POM121: variants seen among roughly 807,000 people sequenced by gnomAD.
POM121 encodes the protein nuclear envelope pore membrane protein POM 121.
A neutral mutation model predicts 81.3 loss-of-function variants in POM121; 32 were observed. The observed-to-expected ratio is 0.39, with a 90% CI of 0.30 to 0.53. POM121 has a LOEUF of 0.53. POM121 is among the 20% of genes least tolerant of loss of function. The probability of loss-of-function intolerance (pLI) is 0.66; values close to 1 mark genes in which losing one functional copy is unlikely to be tolerated. For missense variants in POM121, 1,138 were observed against 1,614.6 expected (o/e 0.70, Z 5.06); for synonymous variants, 514 against 694.2 (o/e 0.74, Z 4.08).
upstream of POM121, among the ~76,000 whole-genome samples, chr7:72,922,677 C>T (rs190605819): frequency 5.4e-3 from 823 of 152,164 alleles, 9 homozygotes; most frequent in African/African-American, 0.019. Context: ...GTGTAAGCCA[C>T]CATGCCCGGC....
chr7:72,892,512 G>A (rs1332968957), intron 3 of POM121, among the ~76,000 whole-genome samples: 1 of 152,188 alleles, frequency 6.6e-6, no homozygotes, highest in Non-Finnish European at 1.5e-5. Flanking sequence ...TTAGTGTTCA[G>A]TATTCTCCCA....
Position 72,941,231 on chromosome 7 carries a change from C to T in POM121, c.1843+238C>T, listed in dbSNP as rs527477990. 3.5e-4 allele frequency among the ~76,000 whole-genome samples: 53 copies of T among 152,062 alleles called. 1 individual carries two copies. The South Asian group carries it at 6.9e-3, about 20-fold the overall frequency. The stretch of plus-strand genomic sequence containing the variant: ...CCTGGCTCGTAGCTGCCCTGAGCCT[C>T]GCCTTCCTCATCTGTCAGATGAGAA... On this transcript the variant is annotated intron_variant, in intron 10 of 12. Transcript: ENST00000434423.
chr7:72,882,875 C>T (rs540891285), intron 1 of POM121, among the ~76,000 whole-genome samples: 10 of 151,974 alleles, frequency 6.6e-5, no homozygotes, highest in Non-Finnish European at 1.0e-4. Context: ...TCAAATCCAG[C>T]GGGCATTTCC....
chr7:72,939,469 G>A (rs1796850299), intron 7 of POM121, 60 bp downstream of exon 7: 1 of 1,602,916 alleles, frequency 6.2e-7, no homozygotes, highest in Non-Finnish European at 8.5e-7. Context: ...TGTGGAGGAT[G>A]TAGAGATTAA....
upstream of POM121, among the ~76,000 whole-genome samples, chr7:72,923,589 ATT>A (rs1187827150): frequency 0.015 from 1,341 of 88,554 alleles, 27 homozygotes; most frequent in African/African-American, 0.076. Flanking sequence ...CGCCCGGCTA[ATT>A]TTTTTTTTTT....
intron 11 of POM121, among the ~76,000 whole-genome samples, chr7:72,945,197 C>G (rs1797551042): frequency 6.6e-6 from 1 of 152,096 alleles, no homozygotes; most frequent in Non-Finnish European, 1.5e-5. Flanking sequence ...GCGGGACGGA[C>G]AAACCAGGCT....
chr7:72,943,260 T>G lies in POM121; in HGVS notation c.3267T>G (p.Phe1089Leu). 6.2e-7 allele frequency: 1 copy of G among 1,611,012 alleles called. No homozygotes were observed. The highest frequency in any genetic ancestry group is 1.7e-5 in the Admixed American group (1 of 59,790). The change falls in exon 11 of 13, where the codon TTT (phenylalanine) becomes TTG (leucine). Residue 1089 changes from phenylalanine to leucine, a missense_variant. By Grantham distance (22) the Phe-to-Leu change is conservative (BLOSUM62 0). Transcript: ENST00000434423. Reference protein sequence around the residue: ...TASSGSSSSVFGSTTPSPFTF... With the variant: ...TASSGSSSSVLGSTTPSPFTF... ...GCAGCGGGAGCAGCAGCTCGGTGTT[T>G]GGCAGCACAACACCATCACCCTTCA...
intron 3 of POM121, among the ~76,000 whole-genome samples, chr7:72,912,992 A>C (rs782085948): frequency 2.0e-5 from 3 of 152,178 alleles, no homozygotes; most frequent in Non-Finnish European, 4.4e-5. Flanking sequence ...TCAGGTCCCT[A>C]CTTAACTCTA....
At chr7:72,905,238 T>C (rs187131394) in intron 3 of POM121, among the ~76,000 whole-genome samples, 4 of 152,350 alleles carry the variant, frequency 2.6e-5, no homozygotes, top group African/African-American at 9.6e-5. Context: ...AATAATTCAA[T>C]ATGTTTTCCA....
intron 1 of POM121, among the ~76,000 whole-genome samples, chr7:72,880,692 C>G: frequency 6.6e-6 from 1 of 151,396 alleles, no homozygotes; most frequent in East Asian, 1.9e-4. Context: ...AGTTAGAGAC[C>G]AGCCTAGACA....
chr7:72,936,691 T>C (rs1456880648), intron 5 of POM121, among the ~76,000 whole-genome samples: 28 of 152,338 alleles, frequency 1.8e-4, no homozygotes, highest in African/African-American at 2.2e-4. Context: ...GGATTACAGG[T>C]GTGAGCCACC....
intron 1 of POM121, among the ~76,000 whole-genome samples, chr7:72,883,025 T>C (rs1554489528): frequency 6.6e-6 from 1 of 152,034 alleles, no homozygotes; most frequent in East Asian, 1.9e-4. Context: ...AATGGTGAAG[T>C]CTGTTTTGTT....
At chr7:72,912,291 A>G (rs1411002553) in intron 3 of POM121, among the ~76,000 whole-genome samples, 5 of 152,260 alleles carry the variant, frequency 3.3e-5, no homozygotes, top group Admixed American at 6.5e-5. Context: ...GGCGAGATAC[A>G]GCCCATGTCT....
In POM121 at chr7:72,946,141, G is replaced by A. The variant is rs527603232; in HGVS notation, c.3657G>A (p.Ser1219=). 14 of 1,611,660 alleles carry A rather than the reference G, an allele frequency of 8.7e-6. No homozygotes were observed. Among genetic ancestry groups the A allele is most frequent in the East Asian group, 2.2e-5 (1 of 44,860 alleles). The part of the protein sequence containing the change: ...QGFVGVAPFG[S]AALSFSIGAG... ...GGTCTTGTTGAATCTTTCCAGGATC[G>A]GCGGCCCTTTCATTTTCCATTGGTG... Residue 1219 remains serine (S), a synonymous_variant, in exon 13 of 13, where the codon TCG becomes TCA. Transcript: ENST00000434423.
chr7:72,936,915 A>G (rs1216577355), intron 5 of POM121, among the ~76,000 whole-genome samples: 2 of 152,192 alleles, frequency 1.3e-5, no homozygotes, highest in Non-Finnish European at 2.9e-5. Context: ...TGAAAGTGCT[A>G]GGATTACAGG....
At chr7:72,879,572 TGGGGCCAGA>T (rs1789924545) in exon 1 of POM121, 3 of 276,726 alleles carry the variant, frequency 1.1e-5, no homozygotes, top group Non-Finnish European at 2.1e-5. Flanking sequence ...CCAGCGGCGC[TGGGGCCAGA>T]GGGGCCAGGC....
upstream of POM121, among the ~76,000 whole-genome samples, chr7:72,923,456 G>C (rs1307752943): frequency 6.6e-6 from 1 of 151,294 alleles, no homozygotes; most frequent in Non-Finnish European, 1.5e-5. Flanking sequence ...TTGCTCTGTC[G>C]ACAGCCCAGG....
chr7:72,910,175 A>T (rs1554494039), intron 3 of POM121, among the ~76,000 whole-genome samples: 1 of 152,170 alleles, frequency 6.6e-6, no homozygotes, highest in East Asian at 1.9e-4. Flanking sequence ...AATCTGACTG[A>T]TTTTCAATGC....
intron 10 of POM121, among the ~76,000 whole-genome samples, chr7:72,941,501 G>A (rs1797063372): frequency 6.8e-6 from 1 of 147,586 alleles, no homozygotes; most frequent in Non-Finnish European, 1.5e-5. Context: ...TCATAGTTGT[G>A]TGCTCTTAGC....
Sources: allele counts gnomAD v4.1 joint callset (sites outside exome capture counted in the v4.1 genomes callset), GRCh38; gene constraint gnomAD v4.1.1; transcripts MANE v1.5; gene names NCBI Gene and HGNC (gene_info 2026-07-23, HGNC 2026-07-21).